The following GNAO1 variants were observed in gnomAD, a reference collection of about 807,000 sequenced individuals.
GNAO1 encodes G protein subunit alpha o1.
For missense variants in GNAO1, 166 were observed against 478.7 expected, an observed-to-expected ratio of 0.35 and a Z score of 6.10; for synonymous variants, 164 against 180.7, an observed-to-expected ratio of 0.91 and a Z score of 0.74.
At chr16:56,280,651 A>G (rs2037105352) in intron 3 of GNAO1, among the ~76,000 whole-genome samples, 1 of 152,182 alleles carries the variant, frequency 6.6e-6, no homozygotes, top group Admixed American at 6.5e-5. Flanking sequence ...CAGACCACGA[A>G]TAAGGTGCAA....
At chr16:56,300,036 T>TGCGCGCGCGC (rs1555505525) in intron 3 of GNAO1, among the ~76,000 whole-genome samples, 1 of 95,112 alleles carries the variant, frequency 1.1e-5, no homozygotes, top group African/African-American at 4.8e-5. Flanking sequence ...TGTGTGTGTG[T>TGCGCGCGCGC]GCGCGCGCGC....
At chr16:56,330,791 T>A (rs1237752458) in intron 4 of GNAO1, among the ~76,000 whole-genome samples, 1 of 152,228 alleles carries the variant, frequency 6.6e-6, no homozygotes, top group Non-Finnish European at 1.5e-5. Context: ...TCAGTATTTG[T>A]CAACTCCCCA....
intron 2 of GNAO1, among the ~76,000 whole-genome samples, chr16:56,223,967 G>A (rs1418745673): frequency 6.6e-6 from 1 of 152,258 alleles, no homozygotes; most frequent in Non-Finnish European, 1.5e-5. Context: ...AGTGCTGTTA[G>A]AGAAGGTCAG....
intron 5 of GNAO1, 116 bp downstream of exon 5, chr16:56,334,973 G>GTTCC: frequency 2.7e-6 from 3 of 1,095,494 alleles, no homozygotes; most frequent in Non-Finnish European, 4.0e-6. Context: ...GAACCTGCGG[G>GTTCC]CTGGGGCAGG....
At chr16:56,281,367 C>G (rs890705983) in intron 3 of GNAO1, among the ~76,000 whole-genome samples, 2 of 152,122 alleles carry the variant, frequency 1.3e-5, no homozygotes, top group African/African-American at 4.8e-5. Context: ...TGTCCCACCC[C>G]ACTCCCTTGA....
At chr16:56,245,962 G>A (rs964515316) in intron 2 of GNAO1, among the ~76,000 whole-genome samples, 23 of 152,118 alleles carry the variant, frequency 1.5e-4, no homozygotes, top group Admixed American at 5.2e-4. Context: ...ATTCAAACTC[G>A]GATCTTAATG....
intron 2 of GNAO1, among the ~76,000 whole-genome samples, chr16:56,207,299 C>CA (rs1193710230): frequency 2.2e-4 from 34 of 151,894 alleles, no homozygotes; most frequent in Non-Finnish European, 4.4e-5. Flanking sequence ...AAGAAAAGAC[C>CA]AAAAAAATAA....
At chr16:56,328,339 G>A (rs2037655919) in intron 3 of GNAO1, among the ~76,000 whole-genome samples, 1 of 152,198 alleles carries the variant, frequency 6.6e-6, no homozygotes, top group South Asian at 2.1e-4. Context: ...GTGGAGAACA[G>A]AGCCGGGCCC....
chr16:56,192,761 T>A (rs1467850510), intron 2 of GNAO1, 145 bp downstream of exon 2: 9 of 607,180 alleles, frequency 1.5e-5, no homozygotes, highest in Non-Finnish European at 2.1e-5. Context: ...CCCCTATATT[T>A]GACTCCCCTC....
intron 2 of GNAO1, among the ~76,000 whole-genome samples, chr16:56,232,819 T>G (rs1247136760): frequency 1.3e-5 from 2 of 152,256 alleles, no homozygotes; most frequent in Non-Finnish European, 2.9e-5. Context: ...AACTTTTTAC[T>G]TCTTATAACC....
intron 2 of GNAO1, among the ~76,000 whole-genome samples, chr16:56,260,125 G>T (rs563753142): frequency 6.6e-6 from 1 of 152,290 alleles, no homozygotes; most frequent in East Asian, 1.9e-4. Context: ...TTATTGGGAG[G>T]ATTCAGTGTG....
chr16:56,218,513 A>G (rs1455437079), intron 2 of GNAO1, among the ~76,000 whole-genome samples: 1 of 152,108 alleles, frequency 6.6e-6, no homozygotes, highest in African/African-American at 2.4e-5. Flanking sequence ...CAACTATACC[A>G]TCACCGTGAT....
chr16:56,271,908 C>G (rs1184446825), intron 2 of GNAO1, among the ~76,000 whole-genome samples: 3 of 152,156 alleles, frequency 2.0e-5, no homozygotes, highest in Non-Finnish European at 4.4e-5. Context: ...TGCCCAACCT[C>G]TAACCACTGC....
chr16:56,192,767 C>T, intron 2 of GNAO1, 151 bp downstream of exon 2: 1 of 625,848 alleles, frequency 1.6e-6, no homozygotes, highest in Admixed American at 2.3e-5. Flanking sequence ...TATTTGACTC[C>T]CCTCCCCCAC....
intron 4 of GNAO1, among the ~76,000 whole-genome samples, 194 bp from the exon 5 acceptor site, chr16:56,334,534 CG>C (rs2037721616): frequency 6.6e-6 from 1 of 152,258 alleles, no homozygotes; most frequent in African/African-American, 2.4e-5. Context: ...TGAATGAGTG[CG>C]TGAGGCCAAG....
chr16:56,262,531 C>T (rs2143486828), intron 2 of GNAO1, among the ~76,000 whole-genome samples: 1 of 152,080 alleles, frequency 6.6e-6, no homozygotes, highest in Non-Finnish European at 1.5e-5. Flanking sequence ...ATACCGTCAA[C>T]AGGAAGGCAG....
intron 2 of GNAO1, among the ~76,000 whole-genome samples, chr16:56,231,161 C>G (rs140021658): frequency 6.6e-6 from 1 of 152,340 alleles, no homozygotes; most frequent in East Asian, 1.9e-4. Flanking sequence ...GTGAAAGACT[C>G]TGTTGGTCCA....
chr16:56,352,826 C>G (rs1596882543), intron 7 of GNAO1: 1 of 152,336 alleles, frequency 6.6e-6, no homozygotes, highest in East Asian at 1.9e-4. Flanking sequence ...GTGCCCTGCA[C>G]TCGAGGCTCT....
intron 2 of GNAO1, among the ~76,000 whole-genome samples, chr16:56,247,482 G>GTT (rs61650674): frequency 7.3e-4 from 87 of 119,652 alleles, no homozygotes; most frequent in East Asian, 5.8e-3. Flanking sequence ...TTAGGGTGAG[G>GTT]TTTTTTTTTT....
Sources: allele counts gnomAD v4.1 joint callset (sites outside exome capture counted in the v4.1 genomes callset), GRCh38; gene constraint gnomAD v4.1.1; transcripts MANE v1.5; gene names NCBI Gene and HGNC (gene_info 2026-07-23, HGNC 2026-07-21).